The following TNFRSF21 variants were observed in gnomAD, a reference collection of about 807,000 sequenced individuals.
TNFRSF21 encodes tumor necrosis factor receptor superfamily member 21.
Under a neutral mutation model 45.6 loss-of-function variants are expected in TNFRSF21, and 19 were observed. The ratio of observed to expected loss-of-function variants is 0.42; its 90% confidence interval spans 0.29 to 0.61. TNFRSF21 has a LOEUF of 0.61. Ranked by LOEUF, TNFRSF21 falls within the 20% of genes least tolerant of loss-of-function variation. The probability of loss-of-function intolerance (pLI) is 0.23; values close to 1 mark genes in which losing one functional copy is unlikely to be tolerated. For synonymous variants in TNFRSF21, 314 were observed against 335.5 expected, an observed-to-expected ratio of 0.94 and a Z score of 0.70; for missense variants, 737 against 851.5, an observed-to-expected ratio of 0.87 and a Z score of 1.67.
At chr6:47,270,536 A>G (rs900123875) in intron 3 of TNFRSF21, among the ~76,000 whole-genome samples, 2 of 152,238 alleles carry the variant, frequency 1.3e-5, no homozygotes, top group Non-Finnish European at 2.9e-5. Context: ...CCAAAGGTAG[A>G]TAAAACCACA....
chr6:47,294,917 T>C (rs535263236), intron 1 of TNFRSF21, among the ~76,000 whole-genome samples: 1 of 152,232 alleles, frequency 6.6e-6, no homozygotes, highest in Non-Finnish European at 1.5e-5. Context: ...CCAGAACTTA[T>C]CTATGCACCA....
At chr6:47,265,234 C>T (rs558703839) in intron 3 of TNFRSF21, among the ~76,000 whole-genome samples, 5 of 152,284 alleles carry the variant, frequency 3.3e-5, no homozygotes, top group Non-Finnish European at 7.4e-5. Context: ...CTATTTCAAG[C>T]AATTTATGAA....
At chr6:47,237,086 T>C (rs543012773) in intron 4 of TNFRSF21, among the ~76,000 whole-genome samples, 8 of 152,010 alleles carry the variant, frequency 5.3e-5, no homozygotes, top group Non-Finnish European at 1.0e-4. Flanking sequence ...TAATTAACAA[T>C]GAGTCAGGTG....
intron 3 of TNFRSF21, among the ~76,000 whole-genome samples, chr6:47,257,535 T>A (rs955429993): frequency 3.3e-5 from 5 of 152,250 alleles, no homozygotes; most frequent in African/African-American, 1.2e-4. Context: ...GGGCTTTGAA[T>A]GCCTTCCTTG....
chr6:47,255,208 G>A (rs768088160), intron 3 of TNFRSF21, among the ~76,000 whole-genome samples: 1 of 152,194 alleles, frequency 6.6e-6, no homozygotes, highest in Non-Finnish European at 1.5e-5. Context: ...GATGAAATTG[G>A]TGAAATGCAA....
At chr6:47,308,898 C>CGGA (rs1278632312) in intron 1 of TNFRSF21, among the ~76,000 whole-genome samples, 1 of 152,232 alleles carries the variant, frequency 6.6e-6, no homozygotes, top group Non-Finnish European at 1.5e-5. Flanking sequence ...CGACAGCACC[C>CGGA]GGAGGTCTCC....
chr6:47,257,210 C>T (rs1304299641), intron 3 of TNFRSF21, among the ~76,000 whole-genome samples: 1 of 150,022 alleles, frequency 6.7e-6, no homozygotes, highest in Non-Finnish European at 1.5e-5. Context: ...TTTTTTAAGC[C>T]ACAAAATAAA....
At chr6:47,280,031 A>G (rs1054719857) in intron 3 of TNFRSF21, among the ~76,000 whole-genome samples, 5 of 152,212 alleles carry the variant, frequency 3.3e-5, no homozygotes, top group African/African-American at 9.6e-5. Flanking sequence ...TTTAAAAACT[A>G]TAAGTCCATG....
chr6:47,244,671 C>A (rs559897354), intron 4 of TNFRSF21, among the ~76,000 whole-genome samples: 4 of 152,094 alleles, frequency 2.6e-5, no homozygotes, highest in Non-Finnish European at 5.9e-5. Context: ...TTAATTTCAG[C>A]CTGTCCTGTG....
chr6:47,301,601 TC>T (rs1451643657), intron 1 of TNFRSF21, among the ~76,000 whole-genome samples: 1 of 152,172 alleles, frequency 6.6e-6, no homozygotes, highest in Non-Finnish European at 1.5e-5. Flanking sequence ...CTTGGCATTG[TC>T]CCATTGGTGA....
chr6:47,277,636 G>A (rs1396440288), intron 3 of TNFRSF21, among the ~76,000 whole-genome samples: 3 of 152,184 alleles, frequency 2.0e-5, no homozygotes, highest in African/African-American at 7.2e-5. Flanking sequence ...GGCTCACGCA[G>A]CTGGTAAGCA....
chr6:47,247,355 A>C (rs1242910361), intron 4 of TNFRSF21, among the ~76,000 whole-genome samples: 1 of 152,196 alleles, frequency 6.6e-6, no homozygotes, highest in Non-Finnish European at 1.5e-5. Flanking sequence ...GTAACACAGC[A>C]GAGGGCAGCT....
At chr6:47,267,674 T>A (rs1409510115) in intron 3 of TNFRSF21, among the ~76,000 whole-genome samples, 1 of 152,292 alleles carries the variant, frequency 6.6e-6, no homozygotes, top group South Asian at 2.1e-4. Flanking sequence ...ATTTTATCAA[T>A]GTTACATATT....
chr6:47,283,846 C>T (rs778528676), intron 3 of TNFRSF21, 92 bp downstream of exon 3: 12 of 1,504,594 alleles, frequency 8.0e-6, no homozygotes, highest in Non-Finnish European at 1.1e-5. Context: ...GGAGATTCCA[C>T]AAACTACGCA....
chr6:47,280,042 G>A (rs1184516317), intron 3 of TNFRSF21, among the ~76,000 whole-genome samples: 3 of 152,138 alleles, frequency 2.0e-5, no homozygotes. Context: ...TAAGTCCATG[G>A]TAGACAAAGA....
At chr6:47,263,618 G>T (rs1382842833) in intron 3 of TNFRSF21, among the ~76,000 whole-genome samples, 4 of 152,162 alleles carry the variant, frequency 2.6e-5, no homozygotes, top group Non-Finnish European at 5.9e-5. Flanking sequence ...CAAGGAAAAG[G>T]GAGGCAACAG....
intron 1 of TNFRSF21, among the ~76,000 whole-genome samples, chr6:47,293,288 G>C (rs113718311): frequency 2.4e-4 from 36 of 152,136 alleles, no homozygotes; most frequent in African/African-American, 8.2e-4. Context: ...AATGAAGATC[G>C]TGGGAATAAG....
At position 47,309,666 on chromosome 6, in the gene TNFRSF21, G is replaced by A; in HGVS notation, c.-155C>T. 8.5e-7 allele frequency: 1 copy of A among 1,170,376 alleles called. No homozygotes were observed. Among genetic ancestry groups the A allele is most frequent in the Non-Finnish European group, 1.1e-6 (1 of 902,014 alleles). The allele number at this position is 1,170,376 out of a possible 1,614,324, so 72.5% of individuals were successfully genotyped here. Reference sequence around the variant, plus strand: ...TGCACTGCTGCGGCCGGGCAGAGGAGGGAGGCGGCAAGGGAGGCTCTAGGG... The same window carrying A: ...TGCACTGCTGCGGCCGGGCAGAGGAAGGAGGCGGCAAGGGAGGCTCTAGGG... On this transcript the variant is annotated 5_prime_UTR_variant, in exon 1 of 6. Coordinates refer to ENST00000296861, the MANE Select transcript of TNFRSF21 (RefSeq NM_014452.5).
chr6:47,248,997 G>T (rs538311546), intron 4 of TNFRSF21, among the ~76,000 whole-genome samples: 42 of 152,316 alleles, frequency 2.8e-4, no homozygotes, highest in Middle Eastern at 6.8e-3. Flanking sequence ...GAGGCAGAGA[G>T]GCCAAGTAAT....
Sources: gnomAD v4.1 joint callset for allele counts (sites outside exome capture counted in the v4.1 genomes callset) on GRCh38, gnomAD v4.1.1 for gene constraint, MANE v1.5 for transcripts, NCBI Gene and HGNC (gene_info 2026-07-23, HGNC 2026-07-21) for gene names.